Variants in LAMA1 observed in about 807,000 individuals in gnomAD.
LAMA1 encodes laminin subunit alpha-1.
LAMA1 carries 219 observed loss-of-function variants against 348.7 expected under a neutral mutation model. That is an observed-to-expected ratio of 0.63 (90% CI 0.56 to 0.70). The LOEUF (loss-of-function observed/expected upper bound fraction) is 0.70, where lower values mean the gene tolerates loss of function less well. Among genes scored for constraint, LAMA1 ranks in the 30% least tolerant of loss-of-function variants. The probability of loss-of-function intolerance (pLI) is 0.00; values close to 1 mark genes in which losing one functional copy is unlikely to be tolerated. For synonymous variants in LAMA1, 1,487 were observed against 1,491.0 expected (o/e 1.00, Z 0.06); for missense variants, 3,744 against 3,888.0 (o/e 0.96, Z 0.99).
intron 48 of LAMA1, among the ~76,000 whole-genome samples, chr18:6,968,450 C>A (rs1425026652): frequency 6.6e-6 from 1 of 152,188 alleles, no homozygotes; most frequent in Non-Finnish European, 1.5e-5. Context: ...GCTTTCTATA[C>A]AGGCATTTTC....
At chr18:6,992,790 A>C in intron 35 of LAMA1, 70 bp from the exon 36 acceptor site, 1 of 1,342,320 alleles carries the variant, frequency 7.4e-7, no homozygotes, top group Non-Finnish European at 1.1e-6. Context: ...AAGAACTTAG[A>C]AACTTCTCTG....
chr18:7,055,453 C>CAAAAA (rs57670126), intron 3 of LAMA1, among the ~76,000 whole-genome samples: 2 of 61,748 alleles, frequency 3.2e-5, no homozygotes. Context: ...AACTCCGTCT[C>CAAAAA]AAAAAAAAAA....
At chr18:6,969,735 G>A (rs1009283389) in intron 48 of LAMA1, among the ~76,000 whole-genome samples, 7 of 152,152 alleles carry the variant, frequency 4.6e-5, no homozygotes, top group African/African-American at 1.4e-4. Flanking sequence ...TGGCAGGAGG[G>A]CAGCATCTTT....
chr18:7,099,611 T>C (rs1293968423), intron 1 of LAMA1, among the ~76,000 whole-genome samples: 1 of 151,932 alleles, frequency 6.6e-6, no homozygotes, highest in Non-Finnish European at 1.5e-5. Flanking sequence ...ACCTAAGATC[T>C]TGGATTAGGC....
intron 1 of LAMA1, among the ~76,000 whole-genome samples, chr18:7,115,818 A>ACAAAAAAAAAC (rs1555671022): frequency 2.7e-5 from 4 of 145,668 alleles, no homozygotes; most frequent in African/African-American, 7.5e-5. Flanking sequence ...AAAATACAAA[A>ACAAAAAAAAAC]AAAAAAAAAA....
intron 7 of LAMA1, 44 bp from the exon 8 acceptor site, chr18:7,043,449 C>A (rs201198211): frequency 2.6e-6 from 4 of 1,536,042 alleles, no homozygotes; most frequent in African/African-American, 2.7e-5. Context: ...ACATAGCATG[C>A]CTTATACAAA....
At chr18:6,976,207 A>G (rs2057681564) in intron 44 of LAMA1, 127 bp from the exon 45 acceptor site, 2 of 866,226 alleles carry the variant, frequency 2.3e-6, no homozygotes, top group Non-Finnish European at 3.9e-6. Flanking sequence ...ATAACATACA[A>G]TGGTTCATGT....
At chr18:7,040,283 T>TGACCCAACA (rs777328459) in intron 9 of LAMA1, 47 bp from the exon 10 acceptor site, 11 of 1,603,130 alleles carry the variant, frequency 6.9e-6, no homozygotes, top group Admixed American at 3.3e-5. Context: ...GCAAAAGAGG[T>TGACCCAACA]TTAAAGCAGG....
intron 1 of LAMA1, among the ~76,000 whole-genome samples, chr18:7,086,977 C>T (rs563630343): frequency 1.3e-5 from 2 of 151,994 alleles, no homozygotes; most frequent in Non-Finnish European, 2.9e-5. Flanking sequence ...ATTCAGTGTG[C>T]GCAAGGGTGG....
At chr18:7,094,284 C>G (rs977243836) in intron 1 of LAMA1, among the ~76,000 whole-genome samples, 1 of 151,648 alleles carries the variant, frequency 6.6e-6, no homozygotes, top group East Asian at 2.0e-4. Flanking sequence ...ATGAGCCGCG[C>G]GTGGTGGCAA....
rs1366001287 is a variant in LAMA1 at position 6,950,431 on chromosome 18, C to CTT, written c.8397+350_8397+351insAA. Among the ~76,000 whole-genome samples, 6 of 152,210 alleles carry CTT rather than the reference C, an allele frequency of 3.9e-5. No individual in the cohort carries two copies. In the South Asian group the frequency reaches 1.2e-3, roughly 32 times the overall value. On this transcript the variant is annotated intron_variant, in intron 58 of 62. Coordinates refer to ENST00000389658, the MANE Select transcript of LAMA1 (RefSeq NM_005559.4). ...TTACAGGCACAGGTAAAGCGTGCTG[C>CTT]ACACCAGAAAGTGCTCCAGAGTTCC...
rs571550148 is a variant in LAMA1, at chr18:6,967,238, T to C, written c.6900-941A>G. On this transcript the variant is annotated intron_variant, in intron 48 of 62. Transcript: ENST00000389658. The stretch of plus-strand genomic sequence containing the variant: ...ACTATAACTACCTGCACTCTTGCTT[T>C]TTCAAAAATTTCCATCATGTGGTCT... Among the ~76,000 whole-genome samples the C allele has an allele frequency of 2.3e-3, 356 of 152,346 alleles. 1 individual carries two copies. The highest frequency in any genetic ancestry group is 8.0e-3 in the African/African-American group (334 of 41,582).
chr18:7,114,382 G>C (rs1457563732), intron 1 of LAMA1, among the ~76,000 whole-genome samples: 4 of 152,146 alleles, frequency 2.6e-5, no homozygotes, highest in South Asian at 2.1e-4. Flanking sequence ...TAAAGTGACA[G>C]GTCTGGCATT....
rs544305041 is a variant in LAMA1, at chr18:7,116,051, C to G, written c.61+1609G>C. On this transcript the variant is annotated intron_variant, in intron 1 of 62. Transcript: ENST00000389658. ...GGGGTGCGGAAGGCAAAAAGGCAAACAGGGAATGCGATATGAAACATTAAA... is the reference window on the plus strand; with the variant it reads ...GGGGTGCGGAAGGCAAAAAGGCAAAGAGGGAATGCGATATGAAACATTAAA... Among the ~76,000 whole-genome samples, 17 of 152,172 alleles carry G rather than the reference C, an allele frequency of 1.1e-4. No homozygotes were observed. The South Asian group carries it at 3.3e-3, about 30-fold the overall frequency.
chr18:7,096,067 CA>C (rs909983401), intron 1 of LAMA1, among the ~76,000 whole-genome samples: 1 of 150,714 alleles, frequency 6.6e-6, no homozygotes, highest in African/African-American at 2.4e-5. Flanking sequence ...GACTCCGTCT[CA>C]AAAAAAAAGA....
At chr18:6,963,175 G>A (rs957393005) in intron 51 of LAMA1, among the ~76,000 whole-genome samples, 1 of 152,122 alleles carries the variant, frequency 6.6e-6, no homozygotes, top group Admixed American at 6.5e-5. Flanking sequence ...AAACGAGGAG[G>A]CTGGCTTTGA....
intron 3 of LAMA1, among the ~76,000 whole-genome samples, chr18:7,071,603 T>C (rs1225839118): frequency 1.3e-5 from 2 of 152,272 alleles, no homozygotes; most frequent in Admixed American, 6.5e-5. Flanking sequence ...GTAAGCCATA[T>C]AGAAACTATT....
intron 1 of LAMA1, among the ~76,000 whole-genome samples, chr18:7,092,750 TTCTC>T (rs1017876769): frequency 1.9e-4 from 29 of 152,210 alleles, no homozygotes; most frequent in African/African-American, 7.0e-4. Context: ...AAAATGATCT[TTCTC>T]TCTTTCTTAA....
At chr18:7,024,590 G>C in intron 17 of LAMA1, 124 bp from the exon 18 acceptor site, 1 of 795,936 alleles carries the variant, frequency 1.3e-6, no homozygotes, top group South Asian at 1.5e-5. Context: ...CCTTAGCTCA[G>C]AATCCGGGGC....
Sources: gnomAD v4.1 joint callset for allele counts (sites outside exome capture counted in the v4.1 genomes callset) on GRCh38, gnomAD v4.1.1 for gene constraint, MANE v1.5 for transcripts, NCBI Gene and HGNC (gene_info 2026-07-23, HGNC 2026-07-21) for gene names.